Variants in DGKH observed in about 807,000 individuals in gnomAD.
DGKH encodes diacylglycerol kinase eta, also known as DAG kinase eta.
DGKH carries 90 observed loss-of-function variants against 159.3 expected under a neutral mutation model. That is an observed-to-expected ratio of 0.57 (90% CI 0.48 to 0.67). The LOEUF (loss-of-function observed/expected upper bound fraction) is 0.67. DGKH is among the 30% of genes least tolerant of loss of function. DGKH has a pLI of 0.00. For missense variants in DGKH, 1,181 were observed against 1,506.1 expected, an observed-to-expected ratio of 0.78 and a Z score of 3.57; for synonymous variants, 536 against 553.8, an observed-to-expected ratio of 0.97 and a Z score of 0.45.
upstream of DGKH, among the ~76,000 whole-genome samples, chr13:42,044,889 A>C (rs1476832253): frequency 6.6e-6 from 1 of 152,224 alleles, no homozygotes; most frequent in East Asian, 1.9e-4. Flanking sequence ...ATATTTAGCC[A>C]AACAAGCCTT....
In DGKH at chr13:42,233,881, T is replaced by C. The variant is rs1179108001; in HGVS notation, c.*4693T>C. 6.6e-6 allele frequency: 1 copy of C among 152,262 alleles called. No individual in the cohort carries two copies. The highest frequency in any genetic ancestry group is 1.5e-5 in the Non-Finnish European group (1 of 68,048). 9.4% of individuals were successfully genotyped at this position (152,262 alleles called of 1,614,324 possible). ...TCTCTTATCAGTAGATTGTCCTTGT[T>C]GACATAGCTCATGCATGAGGACACA... On this transcript the variant is annotated 3_prime_UTR_variant, in exon 30 of 30. Coordinates refer to ENST00000337343, the MANE Select transcript of DGKH (RefSeq NM_178009.5).
chr13:42,213,995 G>A (rs1033909978), intron 24 of DGKH, among the ~76,000 whole-genome samples: 2 of 152,132 alleles, frequency 1.3e-5, no homozygotes, highest in Non-Finnish European at 2.9e-5. Flanking sequence ...ACGTCTCTCT[G>A]AGCCTCAATG....
chr13:42,143,425 G>A (rs1403636524), intron 3 of DGKH, among the ~76,000 whole-genome samples: 5 of 152,158 alleles, frequency 3.3e-5, no homozygotes, highest in African/African-American at 9.7e-5. Flanking sequence ...AAATGAGTTA[G>A]GGAGGATTCC....
At chr13:42,177,408 T>C (rs1276202219) in intron 12 of DGKH, among the ~76,000 whole-genome samples, 1 of 152,240 alleles carries the variant, frequency 6.6e-6, no homozygotes, top group Non-Finnish European at 1.5e-5. Context: ...ACAAATACAC[T>C]GCAATTTGTC....
chr13:42,205,510 T>C (rs1268994118), intron 20 of DGKH, among the ~76,000 whole-genome samples: 1 of 152,224 alleles, frequency 6.6e-6, no homozygotes, highest in African/African-American at 2.4e-5. Context: ...AAGTAAGGAC[T>C]GCAAGGAGCT....
chr13:42,149,802 T>C (rs1470103534), intron 3 of DGKH, among the ~76,000 whole-genome samples: 2 of 152,194 alleles, frequency 1.3e-5, no homozygotes, highest in Non-Finnish European at 2.9e-5. Flanking sequence ...AAGAATAGCA[T>C]GTCGTGATGG....
At chr13:42,103,709 T>A (rs1309231791) in intron 1 of DGKH, among the ~76,000 whole-genome samples, 1 of 152,180 alleles carries the variant, frequency 6.6e-6, no homozygotes, top group African/African-American at 2.4e-5. Context: ...GGGAAAGGAA[T>A]CCTCATAAGC....
At chr13:42,247,469 A>G (rs1398518669), downstream of DGKH, among the ~76,000 whole-genome samples, 1 of 151,960 alleles carries the variant, frequency 6.6e-6, no homozygotes, top group Non-Finnish European at 1.5e-5. Context: ...GATCTCAAGC[A>G]ATCCGCCTGC....
chr13:42,252,728 G>A (rs1958629126), intron 30 of DGKH, among the ~76,000 whole-genome samples: 1 of 152,020 alleles, frequency 6.6e-6, no homozygotes, highest in Non-Finnish European at 1.5e-5. Flanking sequence ...GAGTCGGTTG[G>A]GGAAGGTCTC....
At chr13:42,084,862 G>A (rs1294276585) in intron 1 of DGKH, among the ~76,000 whole-genome samples, 1 of 151,446 alleles carries the variant, frequency 6.6e-6, no homozygotes, top group East Asian at 1.9e-4. Context: ...ACAGATGTTA[G>A]TGGTTAATTT....
chr13:42,139,145 G>A (rs1018784506), intron 3 of DGKH, among the ~76,000 whole-genome samples: 5 of 152,170 alleles, frequency 3.3e-5, no homozygotes, highest in African/African-American at 9.7e-5. Flanking sequence ...GTCTTAGGGC[G>A]TAAGAAACCA....
At chr13:42,162,251 C>T (rs1012781676) in intron 7 of DGKH, among the ~76,000 whole-genome samples, 2 of 152,170 alleles carry the variant, frequency 1.3e-5, no homozygotes, top group African/African-American at 2.4e-5. Context: ...TGGCTCATGC[C>T]TGTAATCCCA....
At chr13:42,142,253 A>G (rs1358681439) in intron 3 of DGKH, among the ~76,000 whole-genome samples, 3 of 152,142 alleles carry the variant, frequency 2.0e-5, no homozygotes, top group South Asian at 2.1e-4. Context: ...TCATTGGTCT[A>G]TATGTCTGTT....
chr13:42,077,116 A>G (rs1346021938), intron 1 of DGKH, among the ~76,000 whole-genome samples: 1 of 152,080 alleles, frequency 6.6e-6, no homozygotes, highest in Non-Finnish European at 1.5e-5. Context: ...GGTACTTTCA[A>G]ATTGCTCATA....
At chr13:42,142,328 G>C (rs1226964375) in intron 3 of DGKH, among the ~76,000 whole-genome samples, 1 of 151,778 alleles carries the variant, frequency 6.6e-6, no homozygotes, top group Non-Finnish European at 1.5e-5. Context: ...GTCAGGTAGC[G>C]TGATGCCTCC....
At position 42,194,915 on chromosome 13, in the gene DGKH, G is replaced by C; in HGVS notation, c.2066G>C (p.Arg689Pro). Residue 689 changes from arginine (R) to proline (P), a missense_variant, in exon 17 of 30, where the codon CGG becomes CCG. By Grantham distance (103) the Arg-to-Pro change is moderately radical. This residue lies in a region of DGKH where 257 missense variants were observed against 281.5 expected (regional missense o/e 0.91). Transcript: ENST00000337343. ...ACTGCACCTCGGTCTCCAGATGCCC[G>C]GGCAAGTTATGGCCATTCCCAAACT... ...VKTAPRSPDARASYGHSQTDS... is the reference protein window; with the variant it reads ...VKTAPRSPDAPASYGHSQTDS... 6.2e-7 allele frequency: 1 copy of C among 1,613,580 alleles called. No homozygotes were observed. Among genetic ancestry groups the C allele is most frequent in the Non-Finnish European group, 8.5e-7 (1 of 1,179,812 alleles).
intron 1 of DGKH, among the ~76,000 whole-genome samples, chr13:42,043,135 C>T (rs983436928): frequency 2.0e-5 from 3 of 151,966 alleles, no homozygotes; most frequent in Non-Finnish European, 2.9e-5. Flanking sequence ...GACCCTTTTT[C>T]CCTCAAACAT....
At chr13:42,155,481 T>C in intron 4 of DGKH, 86 bp downstream of exon 4, 1 of 1,474,934 alleles carries the variant, frequency 6.8e-7, no homozygotes, top group Non-Finnish European at 9.4e-7. Context: ...CAAACATAAG[T>C]ATGTGTACAC....
At chr13:42,063,761 G>C (rs889457213) in intron 1 of DGKH, among the ~76,000 whole-genome samples, 1 of 152,118 alleles carries the variant, frequency 6.6e-6, no homozygotes, top group Admixed American at 6.6e-5. Flanking sequence ...CCAACATGGA[G>C]AAACCCCGTC....
Sources: gnomAD v4.1 joint callset for allele counts (sites outside exome capture counted in the v4.1 genomes callset) on GRCh38, gnomAD v4.1.1 for gene constraint, gnomAD v4.1.1 regional missense constraint, MANE v1.5 for transcripts, NCBI Gene and HGNC (gene_info 2026-07-23, HGNC 2026-07-21) for gene names.